CNTN4: variants seen among roughly 807,000 people sequenced by gnomAD.
CNTN4 encodes the protein contactin 4.
In CNTN4, 77 loss-of-function variants were observed where a neutral mutation model predicts 122.5. That is an observed-to-expected ratio of 0.63 (90% CI 0.52 to 0.76). CNTN4 has a LOEUF of 0.76. Ranked by LOEUF, CNTN4 falls within the 30% of genes least tolerant of loss-of-function variation. CNTN4 has a pLI of 0.00. For synonymous variants in CNTN4, 512 were observed against 447.0 expected (o/e 1.15, Z -1.83); for missense variants, 1,256 against 1,259.1 (o/e 1.00, Z 0.04).
At chr3:2,220,519 G>A (rs1332537559) in intron 2 of CNTN4, among the ~76,000 whole-genome samples, 2 of 152,062 alleles carry the variant, frequency 1.3e-5, no homozygotes, top group East Asian at 3.9e-4. Flanking sequence ...TGTAAGAAAG[G>A]CAATGAATGA....
chr3:2,255,314 A>C (rs886088743), intron 2 of CNTN4, among the ~76,000 whole-genome samples: 1 of 152,090 alleles, frequency 6.6e-6, no homozygotes, highest in African/African-American at 2.4e-5. Flanking sequence ...AAAGAGACTT[A>C]GACTCTTACA....
At chr3:2,510,529 C>A (rs2076856070) in intron 3 of CNTN4, among the ~76,000 whole-genome samples, 1 of 152,010 alleles carries the variant, frequency 6.6e-6, no homozygotes, top group South Asian at 2.1e-4. Context: ...CACACGGGTG[C>A]CTTAATCACA....
intron 2 of CNTN4, among the ~76,000 whole-genome samples, chr3:2,173,628 G>A (rs766359243): frequency 1.5e-4 from 23 of 152,146 alleles, no homozygotes; most frequent in Non-Finnish European, 2.9e-4. Flanking sequence ...ACTATGGCAA[G>A]TATGATGTAG....
At chr3:2,511,899 C>G (rs974911108) in intron 3 of CNTN4, among the ~76,000 whole-genome samples, 2 of 152,054 alleles carry the variant, frequency 1.3e-5, no homozygotes, top group African/African-American at 4.8e-5. Flanking sequence ...TTTCAGAATG[C>G]TTTTATAGAA....
intron 2 of CNTN4, 51 bp from the exon 3 acceptor site, chr3:2,339,127 T>C (rs912955422): frequency 6.6e-6 from 1 of 152,152 alleles, no homozygotes; most frequent in African/African-American, 2.4e-5. Flanking sequence ...CATAAGCCTA[T>C]CTATGCTTGA....
intron 2 of CNTN4, among the ~76,000 whole-genome samples, chr3:2,162,469 A>C (rs1400911172): frequency 6.6e-6 from 1 of 152,148 alleles, no homozygotes. Flanking sequence ...CCTATCAAAT[A>C]ATATAGGAGG....
At chr3:2,197,851 T>G (rs575657919) in intron 2 of CNTN4, among the ~76,000 whole-genome samples, 2 of 151,770 alleles carry the variant, frequency 1.3e-5, no homozygotes, top group African/African-American at 4.8e-5. Flanking sequence ...CCCGTCTCTA[T>G]TAAAAATACA....
Position 2,891,155 on chromosome 3 carries a change from G to A in CNTN4, c.940+3931G>A, listed in dbSNP as rs376878556. Among the ~76,000 whole-genome samples, 31 of 152,278 alleles carry A rather than the reference G, an allele frequency of 2.0e-4. No individual in the cohort carries two copies. In the East Asian group the frequency reaches 3.3e-3, roughly 16 times the overall value. On this transcript the variant is annotated intron_variant, in intron 10 of 24. Coordinates refer to ENST00000418658, the MANE Select transcript of CNTN4 (RefSeq NM_175607.3). ...TAGGAAATTTTATTTTTTGGTAAGA[G>A]TGATAAAGAAAATAATGAGGTTGAT...
chr3:2,717,795 A>T (rs76959342), intron 4 of CNTN4, among the ~76,000 whole-genome samples: 2 of 152,254 alleles, frequency 1.3e-5, no homozygotes, highest in African/African-American at 2.4e-5. Context: ...TCACTCCAAT[A>T]CTTGCCATCA....
At chr3:2,613,502 T>C (rs2081585568) in intron 4 of CNTN4, among the ~76,000 whole-genome samples, 1 of 152,166 alleles carries the variant, frequency 6.6e-6, no homozygotes, top group Non-Finnish European at 1.5e-5. Context: ...ATTTGTTCAT[T>C]AATGTACTGT....
chr3:2,528,074 G>C (rs1249529872), intron 3 of CNTN4, among the ~76,000 whole-genome samples: 1 of 152,044 alleles, frequency 6.6e-6, no homozygotes, highest in East Asian at 1.9e-4. Context: ...CTCAGCTATG[G>C]GGTGAGGTAA....
intron 3 of CNTN4, among the ~76,000 whole-genome samples, chr3:2,487,447 TC>T (rs765268182): frequency 1.7e-4 from 26 of 152,184 alleles, no homozygotes; most frequent in Non-Finnish European, 3.2e-4. Flanking sequence ...CAAGCATTTA[TC>T]CTTCCATCCA....
intron 2 of CNTN4, among the ~76,000 whole-genome samples, chr3:2,177,656 TTGTGTGTGTG>T (rs60145608): frequency 1.3e-3 from 190 of 147,294 alleles, no homozygotes; most frequent in Middle Eastern, 3.4e-3. Flanking sequence ...GTGTGTGTGT[TTGTGTGTGTG>T]TGTGTGTGTG....
At position 2,598,661 on chromosome 3, in the gene CNTN4, G is replaced by A. The variant is rs1009225092; in HGVS notation, c.55+27103G>A. 3.9e-4 allele frequency among the ~76,000 whole-genome samples: 59 copies of A among 152,196 alleles called. No individual in the cohort carries two copies. The Middle Eastern group carries it at 0.01, about 26-fold the overall frequency. On this transcript the variant is annotated intron_variant, in intron 4 of 24. Transcript: ENST00000418658. ...AAAATATAAGGAAACTTATGTAGCC[G>A]TAATAGAAATTCAGTAGAATTAGAA...
At position 2,235,209 on chromosome 3, in the gene CNTN4, G is replaced by T. The variant is rs146972816; in HGVS notation, c.-144-103969G>T. On this transcript the variant is annotated intron_variant, in intron 2 of 24. Transcript: ENST00000418658. ...AATGAGTGATTATTGTGAATAGTTT[G>T]AGATGTAATGATGCCAACATTATCA... Among the ~76,000 whole-genome samples the T allele has an allele frequency of 1.8e-3, 267 of 152,250 alleles. 2 individuals carry two copies. Among genetic ancestry groups the T allele is most frequent in the African/African-American group, 6.1e-3 (255 of 41,560 alleles).
chr3:3,030,832 G>A (rs1430915860), intron 15 of CNTN4, 23 bp from the exon 16 acceptor site: 1 of 1,613,518 alleles, frequency 6.2e-7, no homozygotes, highest in African/African-American at 1.3e-5. Context: ...AGTAATTGCA[G>A]CCACTTTCCC....
At chr3:2,633,884 G>T in intron 4 of CNTN4, among the ~76,000 whole-genome samples, 1 of 152,298 alleles carries the variant, frequency 6.6e-6, no homozygotes, top group African/African-American at 2.4e-5. Flanking sequence ...GAGTAAAGTA[G>T]TATAGTGGAA....
intron 7 of CNTN4, among the ~76,000 whole-genome samples, chr3:2,864,357 G>A (rs985857067): frequency 1.3e-5 from 2 of 151,960 alleles, no homozygotes; most frequent in South Asian, 2.1e-4. Context: ...CGACTTTCTG[G>A]TTGCTAAATG....
chr3:2,493,991 A>G (rs2076385798), intron 3 of CNTN4, among the ~76,000 whole-genome samples: 1 of 152,088 alleles, frequency 6.6e-6, no homozygotes, highest in South Asian at 2.1e-4. Context: ...ATTGATGACT[A>G]TAGAACTGTT....
Sources: allele counts gnomAD v4.1 joint callset (sites outside exome capture counted in the v4.1 genomes callset), GRCh38; gene constraint gnomAD v4.1.1; transcripts MANE v1.5; gene names NCBI Gene and HGNC (gene_info 2026-07-23, HGNC 2026-07-21).